Variants in ELANE observed in about 807,000 individuals in gnomAD.
The protein encoded by ELANE is neutrophil elastase.
Under a neutral mutation model 20.6 loss-of-function variants are expected in ELANE, and 12 were observed. The observed-to-expected ratio is 0.58, with a 90% CI of 0.37 to 0.94. ELANE has a LOEUF of 0.94. Ranked by LOEUF, ELANE falls within the 40% of genes least tolerant of loss-of-function variation. The pLI is 0.01. For synonymous variants in ELANE, 203 were observed against 177.4 expected, an observed-to-expected ratio of 1.14 and a Z score of -1.15; for missense variants, 388 against 395.2, an observed-to-expected ratio of 0.98 and a Z score of 0.15.
chr19:856,215 C>A lies in ELANE; in HGVS notation c.*51C>A. ...TGCCCACACCCACACTCTCCAGCAT[C>A]TGGCACAATAAACATTCTCTGTTTT... is the stretch of plus-strand genomic sequence containing the variant. On this transcript the variant is annotated 3_prime_UTR_variant, in exon 5 of 5. Transcript: ENST00000263621. The A allele has an allele frequency of 6.3e-7, 1 of 1,592,292 alleles. No homozygotes were observed. Among genetic ancestry groups the A allele is most frequent in the Non-Finnish European group, 8.6e-7 (1 of 1,161,784 alleles).
Position 852,892 on chromosome 19 carries a change from G to A in ELANE, c.84G>A (p.Ser28=). 2 of 1,596,314 alleles carry A rather than the reference G, an allele frequency of 1.3e-6. No individual in the cohort carries two copies. Among genetic ancestry groups the A allele is most frequent in the South Asian group, 2.2e-5 (2 of 90,812 alleles). ...ALLLGGTALA[S]EIVGGRRARP... is the part of the protein sequence containing the mutation. Reference sequence around the variant, plus strand: ...TGTCCCCAGGCACCGCGCTGGCCTCGGAGATTGTGGGGGGCCGGCGAGCGC... The same window carrying A: ...TGTCCCCAGGCACCGCGCTGGCCTCAGAGATTGTGGGGGGCCGGCGAGCGC... Residue 28 remains serine (S), a synonymous_variant, in exon 2 of 5, where the codon TCG becomes TCA. Transcript: ENST00000263621.
rs931663731 is a variant in ELANE, at chr19:853,507, G to A, written c.366+104G>A. On this transcript the variant is annotated intron_variant, in intron 3 of 4. Coordinates refer to ENST00000263621, the MANE Select transcript of ELANE (RefSeq NM_001972.4). ...GTCGGGGCCGCTCGTGGGGACCTGG[G>A]GTGGCATCGTGGGCTGGGTGGTCCC... The A allele has an allele frequency of 2.1e-6, 3 of 1,396,518 alleles. No homozygotes were observed. The African/African-American group carries it at 4.3e-5, about 20-fold the overall frequency. The allele number at this position is 1,396,518 out of a possible 1,614,324, so 86.5% of individuals were successfully genotyped here. A position where few individuals can be genotyped will look rare whatever the true frequency, so the allele number is the denominator to read the frequency against.
rs1421892901 is a variant in ELANE at position 855,484 on chromosome 19, G to C, written c.367-80G>C. 1.0e-5 allele frequency: 15 copies of C among 1,460,596 alleles called. No homozygotes were observed. Among genetic ancestry groups the C allele is most frequent in the Non-Finnish European group, 1.4e-5 (15 of 1,073,076 alleles). The allele number at this position is 1,460,596 out of a possible 1,614,324, so 90.5% of individuals were successfully genotyped here. ...CAGAACCACAGTGGAACCTGAGATG[G>C]GGAAACTGAGGCCCGGAGAGGGGAG... On this transcript the variant is annotated intron_variant, in intron 3 of 4. Transcript: ENST00000263621. The surrounding 1 kb of genome is among the most constrained non-coding windows in gnomAD (Gnocchi z 6.2).
Position 852,898 on chromosome 19 carries a change from TG to T in ELANE, c.91del (p.Val31TrpfsTer29), listed in dbSNP as rs2145143911. The T allele has an allele frequency of 6.3e-7, 1 of 1,596,656 alleles. No homozygotes were observed. Reference protein sequence around the residue: ...LGGTALASEIVGGRRARPHAW... With the variant: ...LGGTALASEIXGGRRARPHAW... ...CAGGCACCGCGCTGGCCTCGGAGATTGTGGGGGGCCGGCGAGCGCGGCCCCA... is the reference window on the plus strand; with the variant it reads ...CAGGCACCGCGCTGGCCTCGGAGATTTGGGGGGCCGGCGAGCGCGGCCCCA... On this transcript the variant is annotated frameshift_variant, in exon 2 of 5. Transcript: ENST00000263621. LOFTEE classifies it high-confidence loss of function.
In ELANE at chr19:852,916, G is replaced by A. The variant is rs886109432; in HGVS notation, c.108G>A (p.Ala36=). 3.8e-6 allele frequency: 6 copies of A among 1,596,132 alleles called. No individual in the cohort carries two copies. Among genetic ancestry groups the A allele is most frequent in the African/African-American group, 2.7e-5 (2 of 74,798 alleles). The stretch of plus-strand genomic sequence containing the variant: ...CGGAGATTGTGGGGGGCCGGCGAGC[G>A]CGGCCCCACGCGTGGCCCTTCATGG... The part of the protein sequence containing the change: ...LASEIVGGRR[A]RPHAWPFMVS... Residue 36 remains alanine, a synonymous_variant, in exon 2 of 5, where the codon GCG becomes GCA. Transcript: ENST00000263621.
rs759382746 is a variant in ELANE at position 855,684 on chromosome 19, C to A, written c.487C>A (p.Arg163Ser). The A allele has an allele frequency of 6.2e-7, 1 of 1,609,320 alleles. No homozygotes were observed. Among genetic ancestry groups the A allele is most frequent in the South Asian group, 1.1e-5 (1 of 91,070 alleles). ...AMGWGLLGRN[R>S]GIASVLQELN... Reference sequence around the variant, plus strand: ...GGGCTGGGGCCTTCTGGGCAGGAACCGTGGGATCGCCAGCGTCCTGCAGGA... The same window carrying A: ...GGGCTGGGGCCTTCTGGGCAGGAACAGTGGGATCGCCAGCGTCCTGCAGGA... The change falls in exon 4 of 5, where the codon CGT becomes AGT. Residue 163 changes from arginine (R) to serine (S), a missense_variant. By Grantham distance (110) the Arg-to-Ser change is moderately radical. Around this residue, in one of 3 missense-constraint regions of ELANE, gnomAD observed 321 missense variants for 309.8 expected, o/e 1.04. Coordinates refer to ENST00000263621, the MANE Select transcript of ELANE (RefSeq NM_001972.4). This position sits in a 1 kb window ranked among gnomAD's most constrained non-coding sequence, Gnocchi z 6.2.
chr19:856,015 G>C lies in ELANE; in HGVS notation c.655G>C (p.Val219Leu), dbSNP rs17216656. Residue 219 changes from valine (V) to leucine (L), a missense_variant, in exon 5 of 5, where the codon GTC (valine) becomes CTC (leucine). This residue lies in a region of ELANE where 321 missense variants were observed against 309.8 expected (regional missense o/e 1.04). Coordinates refer to ENST00000263621, the MANE Select transcript of ELANE (RefSeq NM_001972.4). ...NGLIHGIASF[V>L]RGGCASGLYP... ...GCTAATCCACGGAATTGCCTCCTTC[G>C]TCCGGGGAGGCTGCGCCTCAGGGCT... 3 of 1,613,536 alleles carry C rather than the reference G, an allele frequency of 1.9e-6. No homozygotes were observed. The highest frequency in any genetic ancestry group is 2.5e-6 in the Non-Finnish European group (3 of 1,180,036).
rs1393124485 is a variant in ELANE, at chr19:855,371, T to C, written c.367-193T>C. Among the ~76,000 whole-genome samples, 2 of 152,148 alleles carry C rather than the reference T, an allele frequency of 1.3e-5. No homozygotes were observed. The highest frequency in any genetic ancestry group is 4.8e-5 in the African/African-American group (2 of 41,438). The stretch of plus-strand genomic sequence containing the variant: ...GGACAACCTCCAACGCCCTGAGCCT[T>C]GGTGACGGCTCCCACTCTACAGATG... On this transcript the variant is annotated intron_variant, in intron 3 of 4. Transcript: ENST00000263621. The surrounding 1 kb of genome is among the most constrained non-coding windows in gnomAD (Gnocchi z 6.2).
At position 852,862 on chromosome 19, in the gene ELANE, C is replaced by T; in HGVS notation, c.68-14C>T. 1.3e-6 allele frequency: 2 copies of T among 1,592,750 alleles called. No individual in the cohort carries two copies. Among genetic ancestry groups the T allele is most frequent in the Non-Finnish European group, 1.7e-6 (2 of 1,175,804 alleles). On this transcript the variant is annotated splice_polypyrimidine_tract_variant and intron_variant, in intron 1 of 4. Transcript: ENST00000263621. ...TTGGCAGGCACTCAGCACCCGCACC[C>T]GGTGTGTCCCCAGGCACCGCGCTGG...
At position 856,032 on chromosome 19, in the gene ELANE, C is replaced by G. The variant is rs201594311; in HGVS notation, c.672C>G (p.Ala224=). The G allele has an allele frequency of 6.2e-7, 1 of 1,613,622 alleles. No individual in the cohort carries two copies. Among genetic ancestry groups the G allele is most frequent in the Admixed American group, 1.7e-5 (1 of 60,036 alleles). The change falls in exon 5 of 5, where the codon GCC becomes GCG. Residue 224 remains alanine (A), a synonymous_variant. Transcript: ENST00000263621. ...CCTCCTTCGTCCGGGGAGGCTGCGC[C>G]TCAGGGCTCTACCCCGATGCCTTTG... is the stretch of plus-strand genomic sequence containing the variant. ...GIASFVRGGC[A]SGLYPDAFAP...
chr19:852,603 G>T lies in ELANE; in HGVS notation c.67+208G>T, dbSNP rs933321473. Among the ~76,000 whole-genome samples the T allele has an allele frequency of 1.4e-3, 201 of 139,530 alleles. 2 individuals carry two copies. Among genetic ancestry groups the T allele is most frequent in the African/African-American group, 4.8e-3 (188 of 39,028 alleles). 91.5% of individuals were successfully genotyped at this position (139,530 alleles called of 152,430 possible). A position where few individuals can be genotyped will look rare whatever the true frequency, so the allele number is the denominator to read the frequency against. On this transcript the variant is annotated intron_variant, in intron 1 of 4. Transcript: ENST00000263621. ...GGTTTGAAAACCGGGGAGGGGGGGG[G>T]GGTCGCAGGTCGCCCTCTGGGTTCA...
At chr19:852,538 G>T (rs2035609731) in intron 1 of ELANE, 143 bp downstream of exon 1, 1 of 1,119,980 alleles carries the variant, frequency 8.9e-7, no homozygotes, top group Admixed American at 2.2e-5. Context: ...AGAGACTGAG[G>T]TTCTGAGCGG....
At chr19:852,607 C>T (rs1288334714) in intron 1 of ELANE, among the ~76,000 whole-genome samples, 1 of 122,024 alleles carries the variant, frequency 8.2e-6, no homozygotes. Context: ...GGGGGGGGGT[C>T]GCAGGTCGCC....
At chr19:853,798 T>C (rs8111201) in intron 3 of ELANE, among the ~76,000 whole-genome samples, 67 of 618 alleles carry the variant, frequency 0.11, 8 homozygotes, top group South Asian at 1. Flanking sequence ...CCCCGATCTG[T>C]TGTCAATCAA....
At chr19:853,451 G>C in intron 3 of ELANE, 48 bp downstream of exon 3, 2 of 1,548,512 alleles carry the variant, frequency 1.3e-6, no homozygotes, top group Non-Finnish European at 1.7e-6. Context: ...CCAGAGGCCT[G>C]GGGAGGGTGG....
At chr19:853,124 G>T (rs17216635) in intron 2 of ELANE, 92 bp downstream of exon 2, 5 of 1,426,102 alleles carry the variant, frequency 3.5e-6, no homozygotes, top group African/African-American at 3.8e-5. Context: ...GCTGCTGGCG[G>T]GGGGGGGTCC....
Position 853,125 on chromosome 19 carries a change from G to T in ELANE, c.224+93G>T, listed in dbSNP as rs1008084594. ...AGGCCGGGGCCGGGGCTGCTGGCGG[G>T]GGGGGGTCCGTCCAGGGCCCGCGGG... On this transcript the variant is annotated intron_variant, in intron 2 of 4. Coordinates refer to ENST00000263621, the MANE Select transcript of ELANE (RefSeq NM_001972.4). 3.7e-5 allele frequency: 55 copies of T among 1,487,338 alleles called. No individual in the cohort carries two copies. The African/African-American group carries it at 4.5e-4, about 12-fold the overall frequency. 92.1% of individuals were successfully genotyped at this position (1,487,338 alleles called of 1,614,324 possible).
chr19:853,148 G>A (rs2035621166), intron 2 of ELANE, 114 bp from the exon 3 acceptor site: 3 of 1,464,436 alleles, frequency 2.0e-6, no homozygotes, highest in Admixed American at 2.4e-5. Flanking sequence ...CAGGGCCCGC[G>A]GGGCCCCTCG....
intron 1 of ELANE, 44 bp from the exon 2 acceptor site, chr19:852,832 G>T: frequency 6.3e-7 from 1 of 1,583,226 alleles, no homozygotes; most frequent in Non-Finnish European, 8.5e-7. Flanking sequence ...GAGGGGACAG[G>T]CTCCTTGGCA....
Sources: gnomAD v4.1 joint callset for allele counts (sites outside exome capture counted in the v4.1 genomes callset) on GRCh38, gnomAD v4.1.1 for gene constraint, gnomAD v4.1.1 regional missense constraint, Gnocchi (gnomAD v3.1) non-coding constraint, MANE v1.5 for transcripts, NCBI Gene and HGNC (gene_info 2026-07-23, HGNC 2026-07-21) for gene names.